The following RBM6 variants were observed in gnomAD, a reference collection of about 807,000 sequenced individuals.
RBM6 encodes the protein RNA-binding protein 6.
Under a neutral mutation model 140.4 loss-of-function variants are expected in RBM6, and 23 were observed. That is an observed-to-expected ratio of 0.16 (90% CI 0.12 to 0.23). The LOEUF is 0.23. Ranked by LOEUF, RBM6 falls within the 10% of genes least tolerant of loss-of-function variation. The probability of loss-of-function intolerance (pLI) is 1.00; values close to 1 mark genes in which losing one functional copy is unlikely to be tolerated. For synonymous variants in RBM6, 439 were observed against 475.6 expected, an observed-to-expected ratio of 0.92 and a Z score of 1.00; for missense variants, 1,139 against 1,386.7, an observed-to-expected ratio of 0.82 and a Z score of 2.84.
At chr3:49,962,823 C>G (rs371207151) in intron 2 of RBM6, 138 bp downstream of exon 2, 2 of 854,620 alleles carry the variant, frequency 2.3e-6, no homozygotes, top group Non-Finnish European at 3.4e-6. Context: ...TTTGGCTGGG[C>G]GCGGTGGCTC....
Position 49,969,771 on chromosome 3 carries a change from T to G in RBM6, c.1323+1023T>G, listed in dbSNP as rs2084699546. Reference sequence around the variant, plus strand: ...CGCCAGCCACTATGCCTGGCTAGTTTTTTTTTTTTTCCTTTGAGAATGAGT... The same window carrying G: ...CGCCAGCCACTATGCCTGGCTAGTTGTTTTTTTTTTCCTTTGAGAATGAGT... On this transcript the variant is annotated intron_variant, in intron 3 of 20. Coordinates refer to ENST00000266022, the MANE Select transcript of RBM6 (RefSeq NM_005777.3). Among the ~76,000 whole-genome samples the G allele has an allele frequency of 2.0e-5, 3 of 151,246 alleles. No homozygotes were observed. The South Asian group carries it at 6.3e-4, about 32-fold the overall frequency.
At chr3:49,969,548 C>T (rs1453048293) in intron 3 of RBM6, among the ~76,000 whole-genome samples, 1 of 146,636 alleles carries the variant, frequency 6.8e-6, no homozygotes, top group South Asian at 2.1e-4. Context: ...TTCTTTTCTT[C>T]CTGCTTCACT....
In RBM6 at chr3:49,974,331, C is replaced by T. The variant is rs999717327; in HGVS notation, c.1414-992C>T. ...AACTCCTGGGCTCAAACTATCCTCC[C>T]GAGTAGCTGGGATTATAGGTGTGAG... On this transcript the variant is annotated intron_variant, in intron 4 of 20. Transcript: ENST00000266022. Among the ~76,000 whole-genome samples the T allele has an allele frequency of 3.3e-5, 5 of 151,734 alleles. No homozygotes were observed. In the South Asian group the frequency reaches 6.2e-4, roughly 19 times the overall value.
At chr3:50,035,913 C>T (rs1418106018) in intron 6 of RBM6, among the ~76,000 whole-genome samples, 1 of 151,922 alleles carries the variant, frequency 6.6e-6, no homozygotes, top group Admixed American at 6.6e-5. Flanking sequence ...GTGCCCACCA[C>T]CATGTCTGGC....
chr3:50,044,848 T>C (rs889118513), intron 6 of RBM6, among the ~76,000 whole-genome samples: 3 of 152,224 alleles, frequency 2.0e-5, no homozygotes, highest in Non-Finnish European at 4.4e-5. Flanking sequence ...TGACTACCTA[T>C]TCTTATTAAA....
chr3:50,038,499 C>T (rs1362281694), intron 6 of RBM6, among the ~76,000 whole-genome samples: 1 of 152,010 alleles, frequency 6.6e-6, no homozygotes, highest in African/African-American at 2.4e-5. Context: ...CAGGGAGCTC[C>T]AATAGTAGTC....
At chr3:49,950,764 AC>A (rs1288113676) in intron 1 of RBM6, among the ~76,000 whole-genome samples, 3 of 151,966 alleles carry the variant, frequency 2.0e-5, no homozygotes, top group Non-Finnish European at 4.4e-5. Flanking sequence ...AAAAAAAAAA[AC>A]AGAAAGAATG....
intron 6 of RBM6, among the ~76,000 whole-genome samples, chr3:50,034,715 C>A (rs1303709948): frequency 6.6e-6 from 1 of 151,766 alleles, no homozygotes; most frequent in Non-Finnish European, 1.5e-5. Context: ...GAGCCGAGAT[C>A]ACAACACTGC....
chr3:50,014,450 AAAAC>A lies in RBM6; in HGVS notation c.1557+14944_1557+14947del, dbSNP rs369457770. Among the ~76,000 whole-genome samples the A allele has an allele frequency of 1.4e-4, 22 of 152,368 alleles. No homozygotes were observed. The East Asian group carries it at 2.3e-3, about 16-fold the overall frequency. On this transcript the variant is annotated intron_variant, in intron 6 of 20. Coordinates refer to ENST00000266022, the MANE Select transcript of RBM6 (RefSeq NM_005777.3). ...ACATATTTGGCAGCAATTACTAGAA[AAAAC>A]AAACAAGTTGAGAGTTTTCAAAATA...
chr3:50,043,309 C>T (rs369426079), intron 6 of RBM6, among the ~76,000 whole-genome samples: 33 of 151,904 alleles, frequency 2.2e-4, no homozygotes, highest in East Asian at 7.9e-4. Flanking sequence ...ATGGTGAAAC[C>T]CCATCTCTAC....
chr3:49,989,056 T>A (rs1394971412), intron 5 of RBM6, among the ~76,000 whole-genome samples: 1 of 152,142 alleles, frequency 6.6e-6, no homozygotes, highest in African/African-American at 2.4e-5. Context: ...CATTTTTTTT[T>A]TAAAAGTCCC....
chr3:50,059,686 A>T lies in RBM6; in HGVS notation c.2168A>T (p.Asp723Val). The change falls in exon 11 of 21, where the codon GAT becomes GTT. Residue 723 changes from aspartate to valine, a missense_variant. Around this residue, in one of 9 missense-constraint regions of RBM6, gnomAD observed 47 missense variants for 117.6 expected, o/e 0.40. Transcript: ENST00000266022. Reference sequence around the variant, plus strand: ...GTGGTGAAGATCTTACAGAACCTTGATCCGCCATTTAGCATTGATGGGAAG... The same window carrying T: ...GTGGTGAAGATCTTACAGAACCTTGTTCCGCCATTTAGCATTGATGGGAAG... ...LRVVKILQNL[D>V]PPFSIDGKMV... The T allele has an allele frequency of 6.2e-7, 1 of 1,613,758 alleles. No individual in the cohort carries two copies. The highest frequency in any genetic ancestry group is 8.5e-7 in the Non-Finnish European group (1 of 1,179,854).
intron 1 of RBM6, among the ~76,000 whole-genome samples, chr3:49,960,241 C>G (rs2084223461): frequency 6.6e-6 from 1 of 152,108 alleles, no homozygotes; most frequent in Non-Finnish European, 1.5e-5. Context: ...TGCTTTAAGA[C>G]AAAAAACACT....
intron 6 of RBM6, among the ~76,000 whole-genome samples, chr3:50,001,916 G>C (rs1035004744): frequency 2.0e-5 from 3 of 152,088 alleles, no homozygotes; most frequent in Non-Finnish European, 4.4e-5. Flanking sequence ...AATTTTAGAG[G>C]GGTGGTCAGG....
intron 8 of RBM6, 139 bp from the exon 9 acceptor site, chr3:50,057,589 A>C: frequency 3.7e-6 from 1 of 273,408 alleles, no homozygotes; most frequent in South Asian, 4.6e-5. Context: ...CTCCGTCTCA[A>C]AAAAAAAAAA....
At chr3:50,049,848 TC>T (rs1333724213) in intron 7 of RBM6, among the ~76,000 whole-genome samples, 8 of 150,842 alleles carry the variant, frequency 5.3e-5, no homozygotes, top group African/African-American at 2.0e-4. Flanking sequence ...TCCTAGAACT[TC>T]TTTTTTTTTT....
At chr3:50,029,073 T>C (rs898753838) in intron 6 of RBM6, among the ~76,000 whole-genome samples, 3 of 152,206 alleles carry the variant, frequency 2.0e-5, no homozygotes, top group African/African-American at 7.2e-5. Flanking sequence ...CTCTGGAATG[T>C]AGTGAATGGA....
intron 1 of RBM6, among the ~76,000 whole-genome samples, chr3:49,942,762 A>G (rs1424408610): frequency 2.0e-5 from 3 of 152,012 alleles, no homozygotes; most frequent in Non-Finnish European, 4.4e-5. Flanking sequence ...GCATGGTGGC[A>G]TGCATCTGTA....
At chr3:49,976,490 A>G (rs904614533) in intron 5 of RBM6, among the ~76,000 whole-genome samples, 19 of 152,256 alleles carry the variant, frequency 1.2e-4, no homozygotes, top group African/African-American at 4.6e-4. Context: ...GTAAGAGTAG[A>G]TATATTATTA....
Sources: allele counts gnomAD v4.1 joint callset (sites outside exome capture counted in the v4.1 genomes callset), GRCh38; gene constraint gnomAD v4.1.1; regional missense constraint gnomAD v4.1.1; transcripts MANE v1.5; gene names NCBI Gene and HGNC (gene_info 2026-07-23, HGNC 2026-07-21).